The following BNIP3L variants were observed in gnomAD, a reference collection of about 807,000 sequenced individuals.
The protein encoded by BNIP3L is BCL2 interacting protein 3 like.
BNIP3L carries 10 observed loss-of-function variants against 25.5 expected under a neutral mutation model. The ratio of observed to expected loss-of-function variants is 0.39; its 90% CI spans 0.24 to 0.67. The LOEUF (loss-of-function observed/expected upper bound fraction) is 0.67, where lower values mean the gene tolerates loss of function less well. Among genes scored for constraint, BNIP3L ranks in the 30% least tolerant of loss-of-function variants. The probability of loss-of-function intolerance (pLI) is 0.45; values close to 1 mark genes in which losing one functional copy is unlikely to be tolerated. For synonymous variants in BNIP3L, 113 were observed against 101.2 expected, an observed-to-expected ratio of 1.12 and a Z score of -0.70; for missense variants, 215 against 270.9, an observed-to-expected ratio of 0.79 and a Z score of 1.45.
At chr8:26,401,605 A>C (rs56211863) in intron 3 of BNIP3L, among the ~76,000 whole-genome samples, 5,303 of 150,664 alleles carry the variant, frequency 0.035, 138 homozygotes, top group South Asian at 0.12. Context: ...GGAGGTACAA[A>C]ATAAAAAAAA....
chr8:26,393,390 C>T (rs3779916), intron 2 of BNIP3L, among the ~76,000 whole-genome samples: 4 of 141,828 alleles, frequency 2.8e-5, no homozygotes, highest in African/African-American at 1.1e-4. Flanking sequence ...TTCACCTTGA[C>T]GGCACACTAG....
intron 4 of BNIP3L, 32 bp downstream of exon 4, chr8:26,408,135 A>C: frequency 6.2e-7 from 1 of 1,612,558 alleles, no homozygotes; most frequent in Non-Finnish European, 8.5e-7. Flanking sequence ...GTCAGTGGAC[A>C]CAGTTGATCT....
intron 3 of BNIP3L, among the ~76,000 whole-genome samples, chr8:26,404,584 G>A (rs1378627367): frequency 1.3e-5 from 2 of 152,068 alleles, no homozygotes; most frequent in Non-Finnish European, 2.9e-5. Flanking sequence ...CAGTGGCATC[G>A]GCTCACTGCA....
At chr8:26,407,153 C>T (rs892754429) in intron 3 of BNIP3L, among the ~76,000 whole-genome samples, 1 of 151,380 alleles carries the variant, frequency 6.6e-6, no homozygotes, top group Non-Finnish European at 1.5e-5. Context: ...TTACAGGTGC[C>T]CGCCACCATG....
rs944893513 is a variant in BNIP3L, at chr8:26,407,029, A to G, written c.358-971A>G. Reference sequence around the variant, plus strand: ...TTTTGTTGAGATGGAATCTCACTCTATCACCCAGGCTGGAGTGTAGTGGCT... The same window carrying G: ...TTTTGTTGAGATGGAATCTCACTCTGTCACCCAGGCTGGAGTGTAGTGGCT... On this transcript the variant is annotated intron_variant, in intron 3 of 5. Transcript: ENST00000380629. 3.4e-5 allele frequency among the ~76,000 whole-genome samples: 5 copies of G among 148,988 alleles called. No homozygotes were observed. The East Asian group carries it at 5.9e-4, about 18-fold the overall frequency.
intron 3 of BNIP3L, among the ~76,000 whole-genome samples, chr8:26,398,902 A>C (rs1210116995): frequency 1.3e-5 from 2 of 151,118 alleles, no homozygotes; most frequent in Non-Finnish European, 3.0e-5. Flanking sequence ...CAATAACAGG[A>C]GCTGAAATTG....
chr8:26,390,109 T>C (rs1343237794), intron 1 of BNIP3L, among the ~76,000 whole-genome samples: 1 of 152,204 alleles, frequency 6.6e-6, no homozygotes, highest in Admixed American at 6.5e-5. Flanking sequence ...TAACAATTTA[T>C]TTACTTACTT....
chr8:26,401,574 CA>C lies in BNIP3L; in HGVS notation c.357+6283del, dbSNP rs34831973. ...TAAAACTTAAATTAAAAAAAAAAAA[CA>C]AAAAAAAAAACCTACCAGTGGAGGT... On this transcript the variant is annotated intron_variant, in intron 3 of 5. Transcript: ENST00000380629. 8.3e-3 allele frequency among the ~76,000 whole-genome samples: 507 copies of C among 61,216 alleles called. 8 individuals are homozygous for C. Among genetic ancestry groups the C allele is most frequent in the Admixed American group, 0.052 (329 of 6,296 alleles). 40.2% of individuals were successfully genotyped at this position (61,216 alleles called of 152,430 possible).
intron 3 of BNIP3L, among the ~76,000 whole-genome samples, chr8:26,401,139 C>T (rs1393449832): frequency 7.1e-6 from 1 of 140,024 alleles, no homozygotes; most frequent in African/African-American, 2.6e-5. Flanking sequence ...CGGCATTATT[C>T]ACGATAGCAA....
rs1806519668 is a variant in BNIP3L, at chr8:26,407,177, T to TTTTG, written c.358-820_358-819insGTTT. ...CCCGCCACCATGCCCGGCTAATTTT[T>TTTTG]TTTTGTTTTGTTTTGTTTTGTTTTT... On this transcript the variant is annotated intron_variant, in intron 3 of 5. Transcript: ENST00000380629. Among the ~76,000 whole-genome samples, 3 of 150,422 alleles carry TTTTG rather than the reference T, an allele frequency of 2.0e-5. No individual in the cohort carries two copies. In the South Asian group the frequency reaches 6.4e-4, roughly 32 times the overall value.
At position 26,412,533 on chromosome 8, in the gene BNIP3L, T is replaced by C. The variant is rs1806652274; in HGVS notation, c.*2121T>C. The stretch of plus-strand genomic sequence containing the variant: ...AAAAAGAAACATAGTGTTGCCCTTT[T>C]TCTTAAAGCATCAGTGAAATTATGG... On this transcript the variant is annotated 3_prime_UTR_variant, in exon 6 of 6. Coordinates refer to ENST00000380629, the MANE Select transcript of BNIP3L (RefSeq NM_004331.3). 1.3e-5 allele frequency: 2 copies of C among 152,280 alleles called. No homozygotes were observed. Among genetic ancestry groups the C allele is most frequent in the Admixed American group, 1.3e-4 (2 of 15,290 alleles). The allele number at this position is 152,280 out of a possible 1,614,324, so 9.4% of individuals were successfully genotyped here. A position where few individuals can be genotyped will look rare whatever the true frequency, so the allele number is the denominator to read the frequency against.
chr8:26,387,834 G>C (rs1316740156), intron 1 of BNIP3L, among the ~76,000 whole-genome samples: 1 of 152,120 alleles, frequency 6.6e-6, no homozygotes, highest in Non-Finnish European at 1.5e-5. Context: ...AGCCCTAATT[G>C]TAATAACAAA....
chr8:26,390,658 A>G (rs1806086454), intron 1 of BNIP3L: 1 of 731,852 alleles, frequency 1.4e-6, no homozygotes, highest in Non-Finnish European at 1.7e-6. Context: ...CAGCTGCATT[A>G]ATTTTATGCT....
chr8:26,383,086 C>G lies in BNIP3L; in HGVS notation c.-45C>G, dbSNP rs374495725. On this transcript the variant is annotated 5_prime_UTR_variant, in exon 1 of 6. Coordinates refer to ENST00000380629, the MANE Select transcript of BNIP3L (RefSeq NM_004331.3). ...GCTTGTTGTGTTGCTGCCTGAGTGCCGGAGACGGTCCTGCTGCTGCCGCAG... is the reference window on the plus strand; with the variant it reads ...GCTTGTTGTGTTGCTGCCTGAGTGCGGGAGACGGTCCTGCTGCTGCCGCAG... 2.0e-6 allele frequency: 3 copies of G among 1,513,928 alleles called. No homozygotes were observed. Among genetic ancestry groups the G allele is most frequent in the East Asian group, 2.4e-5 (1 of 41,548 alleles). 93.8% of individuals were successfully genotyped at this position (1,513,928 alleles called of 1,614,324 possible).
At chr8:26,383,739 C>T (rs139715296) in intron 1 of BNIP3L, among the ~76,000 whole-genome samples, 1 of 151,744 alleles carries the variant, frequency 6.6e-6, no homozygotes, top group African/African-American at 2.4e-5. Flanking sequence ...GGCGCGGGAG[C>T]CCCCCAGCGA....
rs1806657194 is a variant in BNIP3L at position 26,412,690 on chromosome 8, T to A, written c.*2278T>A. 1 of 152,590 alleles carries A rather than the reference T, an allele frequency of 6.6e-6. No individual in the cohort carries two copies. The highest frequency in any genetic ancestry group is 2.4e-5 in the African/African-American group (1 of 41,438). 9.5% of individuals were successfully genotyped at this position (152,590 alleles called of 1,614,324 possible). ...CCAGATTTGTGTTGAACGAAAACATTGTGGTTTGGAAAGGAGAATTCAACA... is the reference window on the plus strand; with the variant it reads ...CCAGATTTGTGTTGAACGAAAACATAGTGGTTTGGAAAGGAGAATTCAACA... On this transcript the variant is annotated 3_prime_UTR_variant, in exon 6 of 6. Coordinates refer to ENST00000380629, the MANE Select transcript of BNIP3L (RefSeq NM_004331.3).
chr8:26,402,035 A>G (rs1468770165), intron 3 of BNIP3L, among the ~76,000 whole-genome samples: 1 of 152,164 alleles, frequency 6.6e-6, no homozygotes, highest in African/African-American at 2.4e-5. Flanking sequence ...GTCGCAACAA[A>G]AACCTTGTTT....
At position 26,410,856 on chromosome 8, in the gene BNIP3L, T is replaced by C. The variant is rs1806608519; in HGVS notation, c.*444T>C. The stretch of plus-strand genomic sequence containing the variant: ...ATGTAAAAGAAGCTTTATTGTCTAG[T>C]TGTTTTTTTTCCCCCAAGACAAAGG... On this transcript the variant is annotated 3_prime_UTR_variant, in exon 6 of 6. Coordinates refer to ENST00000380629, the MANE Select transcript of BNIP3L (RefSeq NM_004331.3). 6.6e-6 allele frequency: 1 copy of C among 152,598 alleles called. No homozygotes were observed. Among genetic ancestry groups the C allele is most frequent in the Non-Finnish European group, 1.5e-5 (1 of 68,386 alleles). The allele number at this position is 152,598 out of a possible 1,614,324, so 9.5% of individuals were successfully genotyped here.
intron 1 of BNIP3L, among the ~76,000 whole-genome samples, chr8:26,386,713 ACT>A (rs1806001171): frequency 6.6e-6 from 1 of 150,718 alleles, no homozygotes; most frequent in Non-Finnish European, 1.5e-5. Flanking sequence ...CTGGTCACAA[ACT>A]CTTTTTTTTA....
Sources: allele counts gnomAD v4.1 joint callset (sites outside exome capture counted in the v4.1 genomes callset), GRCh38; gene constraint gnomAD v4.1.1; transcripts MANE v1.5; gene names NCBI Gene and HGNC (gene_info 2026-07-23, HGNC 2026-07-21).